The following WWOX variants were observed in gnomAD, a reference collection of about 807,000 sequenced individuals.
The protein encoded by WWOX is WW domain containing oxidoreductase, also known as WW domain-containing oxidoreductase.
A neutral mutation model predicts 46.2 loss-of-function variants in WWOX; 69 were observed. That is an observed-to-expected ratio of 1.49 (90% CI 1.23 to 1.82). The LOEUF (loss-of-function observed/expected upper bound fraction) is 1.82. WWOX is among the 40% of genes most tolerant of loss of function. The pLI is 0.00. For missense variants in WWOX, 919 were observed against 542.6 expected (o/e 1.69, Z -6.89); for synonymous variants, 359 against 202.6 (o/e 1.77, Z -6.56).
chr16:78,662,752 A>G (rs1424361942), intron 8 of WWOX, among the ~76,000 whole-genome samples: 1 of 152,186 alleles, frequency 6.6e-6, no homozygotes, highest in Non-Finnish European at 1.5e-5. Context: ...GGAAGGATCC[A>G]CTTCCAAGCT....
intron 8 of WWOX, among the ~76,000 whole-genome samples, chr16:78,434,522 G>C (rs541792878): frequency 1.3e-5 from 2 of 152,222 alleles, no homozygotes; most frequent in African/African-American, 4.8e-5. Flanking sequence ...AATGGGGAGA[G>C]GAGAGAGGTG....
At chr16:78,553,622 G>A (rs1419831781) in intron 8 of WWOX, among the ~76,000 whole-genome samples, 2 of 152,150 alleles carry the variant, frequency 1.3e-5, no homozygotes, top group Admixed American at 1.3e-4. Flanking sequence ...TAAGTGAGCA[G>A]TATGGCGCCC....
Position 78,488,849 on chromosome 16 carries a change from C to T in WWOX, c.1056+56097C>T, listed in dbSNP as rs181494720. On this transcript the variant is annotated intron_variant, in intron 8 of 8. Coordinates refer to ENST00000566780, the MANE Select transcript of WWOX (RefSeq NM_016373.4). ...TGGGACGATTGAGTCAAATAACATG[C>T]CCAATGCCTGTTTCTCAGAGTAGGC... Among the ~76,000 whole-genome samples, 6 of 152,274 alleles carry T rather than the reference C, an allele frequency of 3.9e-5. No individual in the cohort carries two copies. The East Asian group carries it at 1.2e-3, about 29-fold the overall frequency.
At chr16:79,026,308 T>C (rs1740337257) in intron 8 of WWOX, among the ~76,000 whole-genome samples, 1 of 151,634 alleles carries the variant, frequency 6.6e-6, no homozygotes, top group African/African-American at 2.4e-5. Flanking sequence ...CCTTTGCACA[T>C]CCTCTGCCGG....
rs1421033417 is a variant in WWOX, at chr16:79,178,079, A to C, written c.1057-33529A>C. On this transcript the variant is annotated intron_variant, in intron 8 of 8. Coordinates refer to ENST00000566780, the MANE Select transcript of WWOX (RefSeq NM_016373.4). The stretch of plus-strand genomic sequence containing the variant: ...AGGCACAAATCCACTCTTGTGATCT[A>C]ATCACCTTTCAAAGGCCCTATCTTC... 3.9e-5 allele frequency among the ~76,000 whole-genome samples: 6 copies of C among 152,154 alleles called. No homozygotes were observed. The East Asian group carries it at 7.7e-4, about 20-fold the overall frequency.
At chr16:79,045,534 T>G (rs2048047980) in intron 8 of WWOX, among the ~76,000 whole-genome samples, 1 of 152,170 alleles carries the variant, frequency 6.6e-6, no homozygotes, top group Admixed American at 6.5e-5. Flanking sequence ...ATTTCTCCAT[T>G]CCTAGTCTCA....
intron 8 of WWOX, among the ~76,000 whole-genome samples, chr16:78,593,782 G>A (rs2045408706): frequency 6.6e-6 from 1 of 151,892 alleles, no homozygotes; most frequent in Non-Finnish European, 1.5e-5. Flanking sequence ...GAATCAGAAA[G>A]GAGTAGAGAT....
intron 6 of WWOX, among the ~76,000 whole-genome samples, chr16:78,388,652 A>G (rs1487566622): frequency 3.4e-4 from 1 of 2,930 alleles, no homozygotes. Context: ...TCTCAAAAAA[A>G]AAAAAAAAAA....
chr16:79,111,782 A>T (rs1417807760), intron 8 of WWOX, among the ~76,000 whole-genome samples: 1 of 152,202 alleles, frequency 6.6e-6, no homozygotes, highest in Non-Finnish European at 1.5e-5. Flanking sequence ...AGAACAATTG[A>T]TTATGATTTA....
chr16:78,643,432 G>A (rs968515946), intron 8 of WWOX, among the ~76,000 whole-genome samples: 2 of 152,090 alleles, frequency 1.3e-5, no homozygotes, highest in Admixed American at 6.5e-5. Context: ...CCCTGTCTCT[G>A]TGTCTCCCAG....
chr16:78,823,591 G>T (rs537627019), intron 8 of WWOX, among the ~76,000 whole-genome samples: 2 of 152,276 alleles, frequency 1.3e-5, no homozygotes, highest in South Asian at 2.1e-4. Context: ...TTCATCTGAA[G>T]TTTAATGGAC....
intron 8 of WWOX, among the ~76,000 whole-genome samples, chr16:78,519,931 CT>C (rs2043313484): frequency 6.6e-6 from 1 of 152,148 alleles, no homozygotes; most frequent in Non-Finnish European, 1.5e-5. Flanking sequence ...TTTTGAGATT[CT>C]TTTTTCAGTA....
At chr16:78,965,995 A>G (rs1410611003) in intron 8 of WWOX, among the ~76,000 whole-genome samples, 3 of 152,196 alleles carry the variant, frequency 2.0e-5, no homozygotes, top group African/African-American at 7.2e-5. Flanking sequence ...TCTGCACCTG[A>G]GAACAAGAAT....
At chr16:78,472,912 TC>T (rs1227928865) in intron 8 of WWOX, among the ~76,000 whole-genome samples, 4 of 152,158 alleles carry the variant, frequency 2.6e-5, no homozygotes, top group African/African-American at 9.6e-5. Context: ...ACTCCCTTCT[TC>T]CCAGTCTGTG....
chr16:78,777,520 A>G (rs1193772890), intron 8 of WWOX, among the ~76,000 whole-genome samples: 1 of 152,176 alleles, frequency 6.6e-6, no homozygotes, highest in Non-Finnish European at 1.5e-5. Context: ...TGCTGCTAAG[A>G]GGCCCCTGGT....
At chr16:78,952,433 A>G (rs1354552357) in intron 8 of WWOX, among the ~76,000 whole-genome samples, 1 of 147,762 alleles carries the variant, frequency 6.8e-6, no homozygotes, top group Non-Finnish European at 1.5e-5. Context: ...CCCACGCTGG[A>G]GTACAGTGGC....
chr16:78,797,793 G>C (rs928812059), intron 8 of WWOX, among the ~76,000 whole-genome samples: 2 of 152,198 alleles, frequency 1.3e-5, no homozygotes, highest in Non-Finnish European at 2.9e-5. Flanking sequence ...CTCGAGAACA[G>C]TCTGGGCAAC....
chr16:78,584,006 A>C (rs1010546501), intron 8 of WWOX, among the ~76,000 whole-genome samples: 23 of 152,208 alleles, frequency 1.5e-4, no homozygotes, highest in Non-Finnish European at 2.6e-4. Flanking sequence ...AATGTTGTCT[A>C]AGCTTTACCA....
At chr16:78,731,355 C>G (rs973522673) in intron 8 of WWOX, among the ~76,000 whole-genome samples, 6 of 152,028 alleles carry the variant, frequency 3.9e-5, no homozygotes, top group Non-Finnish European at 7.4e-5. Context: ...ATTTCCGCAC[C>G]TTTTTATAGA....
Sources: allele counts gnomAD v4.1 joint callset (sites outside exome capture counted in the v4.1 genomes callset), GRCh38; gene constraint gnomAD v4.1.1; transcripts MANE v1.5; gene names NCBI Gene and HGNC (gene_info 2026-07-23, HGNC 2026-07-21).